Variants in PDLIM5 observed in about 807,000 individuals in gnomAD.
The protein encoded by PDLIM5 is PDZ and LIM domain protein 5.
PDLIM5 carries 34 observed loss-of-function variants against 64.2 expected under a neutral mutation model. That is an observed-to-expected ratio of 0.53 (90% CI 0.40 to 0.71). The LOEUF (loss-of-function observed/expected upper bound fraction) is 0.71, where lower values mean the gene tolerates loss of function less well. PDLIM5 is among the 30% of genes least tolerant of loss of function. The pLI is 0.00. For missense variants in PDLIM5, 683 were observed against 733.6 expected, an observed-to-expected ratio of 0.93 and a Z score of 0.80; for synonymous variants, 253 against 269.1, an observed-to-expected ratio of 0.94 and a Z score of 0.59.
chr4:94,587,726 T>C (rs1036488839), intron 7 of PDLIM5: 9 of 984,116 alleles, frequency 9.1e-6, no homozygotes, highest in African/African-American at 3.5e-5. Context: ...CTATTTGCAA[T>C]GGAGAAATAC....
In PDLIM5 at chr4:94,462,609, T is replaced by C. The variant is rs564454890; in HGVS notation, c.96+7225T>C. Among the ~76,000 whole-genome samples the C allele has an allele frequency of 5.9e-4, 90 of 152,342 alleles. 1 individual carries two copies. The highest frequency in any genetic ancestry group is 2.5e-3 in the Admixed American group (39 of 15,296). ...ATTTTTTCTAGTCTTTTGCTTTTAC[T>C]GACATTGAATTTAAGTTTTGCCTAT... On this transcript the variant is annotated intron_variant, in intron 2 of 12. Transcript: ENST00000317968.
chr4:94,654,108 C>G (rs1437833464), intron 9 of PDLIM5, among the ~76,000 whole-genome samples: 1 of 152,118 alleles, frequency 6.6e-6, no homozygotes, highest in Admixed American at 6.5e-5. Context: ...CTGGTTGCCT[C>G]ATGTTCTGTC....
chr4:94,572,607 T>G (rs1004493615), intron 3 of PDLIM5, among the ~76,000 whole-genome samples: 4 of 152,312 alleles, frequency 2.6e-5, no homozygotes, highest in Middle Eastern at 3.4e-3. Flanking sequence ...GAAAATTAAT[T>G]TGAATTTGGA....
At chr4:94,520,772 T>C (rs911322155) in intron 2 of PDLIM5, among the ~76,000 whole-genome samples, 33 of 152,204 alleles carry the variant, frequency 2.2e-4, no homozygotes, top group African/African-American at 7.5e-4. Flanking sequence ...TAGAGAATAA[T>C]GAAAATGGTT....
intron 11 of PDLIM5, among the ~76,000 whole-genome samples, chr4:94,658,984 T>C (rs890322122): frequency 5.9e-5 from 9 of 152,224 alleles, no homozygotes; most frequent in Non-Finnish European, 1.0e-4. Context: ...GTAGCCCATA[T>C]CTAGCCAAAA....
At chr4:94,552,192 G>A (rs1732870269) in intron 3 of PDLIM5, among the ~76,000 whole-genome samples, 1 of 152,122 alleles carries the variant, frequency 6.6e-6, no homozygotes, top group African/African-American at 2.4e-5. Flanking sequence ...TATCATCACA[G>A]TTAACTATTT....
intron 8 of PDLIM5, among the ~76,000 whole-genome samples, chr4:94,640,019 C>T (rs1234247559): frequency 6.6e-6 from 1 of 150,828 alleles, no homozygotes; most frequent in Non-Finnish European, 1.5e-5. Flanking sequence ...AAGAGCGAAA[C>T]TCTGTCTTAA....
rs1347069447 is a variant in PDLIM5, at chr4:94,455,297, C to G, written c.9C>G (p.Asn3Lys). MS[N>K]YSVSLVGPAP... is the part of the protein sequence containing the mutation. Reference sequence around the variant, plus strand: ...TTTGAGCCATTAGAACCATGAGCAACTACAGTGTGTCACTGGTTGGCCCAG... The same window carrying G: ...TTTGAGCCATTAGAACCATGAGCAAGTACAGTGTGTCACTGGTTGGCCCAG... Residue 3 changes from asparagine to lysine, a missense_variant, in exon 2 of 13, where the codon AAC becomes AAG. Coordinates refer to ENST00000317968, the MANE Select transcript of PDLIM5 (RefSeq NM_006457.5). The G allele has an allele frequency of 2.5e-6, 4 of 1,608,178 alleles. No homozygotes were observed. In the African/African-American group the frequency reaches 5.3e-5, roughly 21 times the overall value.
At chr4:94,588,434 A>G (rs1405956486) in intron 7 of PDLIM5, among the ~76,000 whole-genome samples, 2 of 152,142 alleles carry the variant, frequency 1.3e-5, no homozygotes, top group African/African-American at 4.8e-5. Flanking sequence ...ATGGTGGCGC[A>G]TGCCTGTAAT....
In PDLIM5 at chr4:94,575,604, T is replaced by C. The variant is rs1022821737; in HGVS notation, c.292-12T>C. On this transcript the variant is annotated splice_polypyrimidine_tract_variant and intron_variant, in intron 4 of 12. Coordinates refer to ENST00000317968, the MANE Select transcript of PDLIM5 (RefSeq NM_006457.5). ...GTGTGGTTTTGTGTATGTTTATTTT[T>C]GTTTTACATAGGGAGAACCTAAAGA... 4.6e-6 allele frequency: 7 copies of C among 1,514,576 alleles called. No individual in the cohort carries two copies. The highest frequency in any genetic ancestry group is 6.2e-6 in the Non-Finnish European group (7 of 1,123,876). The allele number at this position is 1,514,576 out of a possible 1,614,324, so 93.8% of individuals were successfully genotyped here.
intron 3 of PDLIM5, among the ~76,000 whole-genome samples, chr4:94,549,455 T>C (rs1456975238): frequency 1.3e-5 from 2 of 152,214 alleles, no homozygotes; most frequent in Non-Finnish European, 2.9e-5. Flanking sequence ...CCCATAGATA[T>C]ACTCACAAAT....
At chr4:94,580,209 C>A (rs1578413320) in intron 5 of PDLIM5, among the ~76,000 whole-genome samples, 1 of 152,256 alleles carries the variant, frequency 6.6e-6, no homozygotes, top group Middle Eastern at 3.4e-3. Context: ...GCAAAAATCA[C>A]ATTAGATAAG....
At chr4:94,639,740 G>T (rs6532493) in intron 8 of PDLIM5, among the ~76,000 whole-genome samples, 151,630 of 152,354 alleles carry the variant, frequency 1, 75,457 homozygotes, top group East Asian at 1. Flanking sequence ...GATGTCTAGA[G>T]AATTAGAAAT....
chr4:94,472,387 A>AGTTTT (rs544194695), intron 2 of PDLIM5, among the ~76,000 whole-genome samples: 21 of 152,220 alleles, frequency 1.4e-4, no homozygotes, highest in South Asian at 1.0e-3. Context: ...CATTCAGTGT[A>AGTTTT]GTTTTGTTTT....
At chr4:94,457,071 A>T in intron 2 of PDLIM5, 10 of 829,890 alleles carry the variant, frequency 1.2e-5, no homozygotes, top group Middle Eastern at 6.2e-4. Flanking sequence ...TGTATGTATA[A>T]ATATATATAC....
At chr4:94,611,469 A>T (rs2110377138) in intron 7 of PDLIM5, among the ~76,000 whole-genome samples, 1 of 152,354 alleles carries the variant, frequency 6.6e-6, no homozygotes, top group Non-Finnish European at 1.5e-5. Context: ...TTGTGCAAGT[A>T]TTTAAATTGC....
chr4:94,658,634 C>T (rs952657138), intron 11 of PDLIM5, among the ~76,000 whole-genome samples: 4 of 152,202 alleles, frequency 2.6e-5, no homozygotes, highest in African/African-American at 9.7e-5. Flanking sequence ...CAGTCAGCTT[C>T]TAAGTTGAAG....
chr4:94,582,417 A>G, intron 5 of PDLIM5: 1 of 290,438 alleles, frequency 3.4e-6, no homozygotes, highest in Non-Finnish European at 6.3e-6. Context: ...ATTAGCATTA[A>G]TACATAAAAT....
At chr4:94,525,044 C>T (rs925684749) in intron 3 of PDLIM5, among the ~76,000 whole-genome samples, 3 of 152,040 alleles carry the variant, frequency 2.0e-5, no homozygotes, top group Non-Finnish European at 4.4e-5. Flanking sequence ...CACTTTTTCT[C>T]CCTCCCCAAT....
Sources: allele counts gnomAD v4.1 joint callset (sites outside exome capture counted in the v4.1 genomes callset), GRCh38; gene constraint gnomAD v4.1.1; transcripts MANE v1.5; gene names NCBI Gene and HGNC (gene_info 2026-07-23, HGNC 2026-07-21).